Variants in TCN2 observed in about 807,000 individuals in gnomAD.
TCN2 encodes the protein transcobalamin 2, also known as transcobalamin-2.
TCN2 carries 34 observed loss-of-function variants against 48.6 expected under a neutral mutation model. That is an observed-to-expected ratio of 0.70 (90% CI 0.53 to 0.93). The LOEUF (loss-of-function observed/expected upper bound fraction) is 0.93. TCN2 is among the 40% of genes least tolerant of loss of function. The pLI is 0.00. For synonymous variants in TCN2, 283 were observed against 212.5 expected, an observed-to-expected ratio of 1.33 and a Z score of -2.89; for missense variants, 652 against 526.1, an observed-to-expected ratio of 1.24 and a Z score of -2.34.
chr22:30,611,906 T>C (rs1328785361), intron 2 of TCN2, among the ~76,000 whole-genome samples: 2 of 152,090 alleles, frequency 1.3e-5, no homozygotes, highest in African/African-American at 2.4e-5. Flanking sequence ...GAGTGCCTCT[T>C]TCTCAGACTC....
At chr22:30,615,854 A>G (rs2087606475) in intron 6 of TCN2, 67 bp downstream of exon 6, 2 of 1,594,206 alleles carry the variant, frequency 1.3e-6, no homozygotes, top group East Asian at 4.5e-5. Context: ...CGTCCCAGTG[A>G]GGGGAGGTTG....
intron 2 of TCN2, 99 bp from the exon 3 acceptor site, chr22:30,612,774 A>T: frequency 6.7e-7 from 1 of 1,496,174 alleles, no homozygotes; most frequent in Non-Finnish European, 9.2e-7. Context: ...TCCCACTGTT[A>T]AGATTTTTTC....
intron 1 of TCN2, 39 bp downstream of exon 1, chr22:30,607,434 G>T: frequency 1.2e-6 from 2 of 1,612,586 alleles, no homozygotes; most frequent in Non-Finnish European, 1.7e-6. Context: ...CTTTCCTCCT[G>T]GGTCCTTAGT....
At position 30,611,061 on chromosome 22, in the gene TCN2, AG is replaced by A. The variant is rs2087533179; in HGVS notation, c.257+1del. ...LKLGYQQCLLGSAFSEDDGDC... is the reference protein window; with the variant it reads ...LKLGYQQCLLXSAFSEDDGDC... ...AGCTTGGTTACCAGCAGTGCCTCCT[AG>A]GGTATTGCCACACTCTCTTTTTCCA... On this transcript the variant is annotated frameshift_variant and splice_region_variant, in exon 2 of 9. Coordinates refer to ENST00000215838, the MANE Select transcript of TCN2 (RefSeq NM_000355.4). LOFTEE classifies it high-confidence loss of function. The A allele has an allele frequency of 6.2e-7, 1 of 1,613,822 alleles. No homozygotes were observed. Among genetic ancestry groups the A allele is most frequent in the Non-Finnish European group, 8.5e-7 (1 of 1,179,944 alleles).
intron 1 of TCN2, among the ~76,000 whole-genome samples, chr22:30,607,983 C>G (rs955559134): frequency 6.6e-6 from 1 of 152,162 alleles, no homozygotes; most frequent in Non-Finnish European, 1.5e-5. Flanking sequence ...GAGTGGGGGA[C>G]ACACATTCTA....
intron 8 of TCN2, 135 bp from the exon 9 acceptor site, chr22:30,626,325 G>T (rs555673422): frequency 3.3e-6 from 3 of 904,500 alleles, no homozygotes; most frequent in African/African-American, 3.3e-5. Context: ...CTTTAGGGAG[G>T]TTCCAGCTTC....
At chr22:30,623,104 C>A in intron 8 of TCN2, 21 bp downstream of exon 8, 1 of 1,611,098 alleles carries the variant, frequency 6.2e-7, no homozygotes, top group Non-Finnish European at 8.5e-7. Context: ...GCCTGACACT[C>A]TGGATGTGTC....
chr22:30,626,336 C>A, intron 8 of TCN2, 124 bp from the exon 9 acceptor site: 1 of 1,044,366 alleles, frequency 9.6e-7, no homozygotes, highest in Non-Finnish European at 1.5e-6. Flanking sequence ...TTCCAGCTTC[C>A]CACCACCAAG....
chr22:30,614,219 A>G, intron 3 of TCN2, 130 bp from the exon 4 acceptor site: 1 of 1,217,488 alleles, frequency 8.2e-7, no homozygotes, highest in Non-Finnish European at 1.2e-6. Flanking sequence ...GGGCTGAGGC[A>G]ATGAAGGAAT....
intron 1 of TCN2, among the ~76,000 whole-genome samples, chr22:30,608,070 C>A (rs1007788264): frequency 6.6e-5 from 10 of 152,168 alleles, no homozygotes; most frequent in Non-Finnish European, 1.0e-4. Context: ...AGCACAGTCT[C>A]CTGGGACCTG....
At chr22:30,625,884 T>C (rs2087800917) in intron 8 of TCN2, among the ~76,000 whole-genome samples, 1 of 152,162 alleles carries the variant, frequency 6.6e-6, no homozygotes, top group Non-Finnish European at 1.5e-5. Flanking sequence ...ATATACATTT[T>C]GGGGGGACAC....
In TCN2 at chr22:30,613,148, C is replaced by G. The variant is rs2087565815; in HGVS notation, c.427+106C>G. On this transcript the variant is annotated intron_variant, in intron 3 of 8. Coordinates refer to ENST00000215838, the MANE Select transcript of TCN2 (RefSeq NM_000355.4). The stretch of plus-strand genomic sequence containing the variant: ...TTGGGTTTTCTCCCCAGGCGTCTTT[C>G]CCACCATCCATTCTGCCCATCTCAC... 3.9e-5 allele frequency: 57 copies of G among 1,470,580 alleles called. 1 individual carries two copies. The South Asian group carries it at 6.7e-4, about 17-fold the overall frequency. 91.1% of individuals were successfully genotyped at this position (1,470,580 alleles called of 1,614,324 possible).
intron 3 of TCN2, among the ~76,000 whole-genome samples, chr22:30,613,693 G>T (rs766089757): frequency 5.3e-5 from 8 of 152,106 alleles, no homozygotes; most frequent in Admixed American, 1.3e-4. Context: ...TAGCTCTCCT[G>T]CCCTGACTTG....
At chr22:30,614,115 G>T (rs2145542201) in intron 3 of TCN2, among the ~76,000 whole-genome samples, 1 of 152,304 alleles carries the variant, frequency 6.6e-6, no homozygotes, top group South Asian at 2.1e-4. Flanking sequence ...CAATTGCTGT[G>T]GTTGAGGCCC....
intron 7 of TCN2, among the ~76,000 whole-genome samples, chr22:30,620,459 C>G (rs992210906): frequency 1.3e-5 from 2 of 152,252 alleles, no homozygotes; most frequent in African/African-American, 2.4e-5. Flanking sequence ...GCAGTGAAGC[C>G]TGGGCACTCC....
At chr22:30,610,051 C>CT (rs2087512191) in intron 1 of TCN2, among the ~76,000 whole-genome samples, 2 of 152,270 alleles carry the variant, frequency 1.3e-5, no homozygotes, top group Non-Finnish European at 2.9e-5. Flanking sequence ...GCAAACTACT[C>CT]TAAGCTACCC....
rs761037241 is a variant in TCN2 at position 30,607,359 on chromosome 22, C to T, written c.28C>T (p.Leu10Phe). 1 of 1,614,176 alleles carries T rather than the reference C, an allele frequency of 6.2e-7. No homozygotes were observed. Among genetic ancestry groups the T allele is most frequent in the South Asian group, 1.1e-5 (1 of 91,082 alleles). ...GAGGCACCTTGGGGCCTTCCTCTTC[C>T]TTCTGGGGGTCCTGGGGGCCCTCAC... MRHLGAFLF[L>F]LGVLGALTEM... is the part of the protein sequence containing the mutation. Residue 10 changes from leucine (L) to phenylalanine (F), a missense_variant, in exon 1 of 9, where the codon CTT (leucine) becomes TTT (phenylalanine). Transcript: ENST00000215838.
chr22:30,608,007 G>A (rs985635451), intron 1 of TCN2, among the ~76,000 whole-genome samples: 2 of 152,320 alleles, frequency 1.3e-5, no homozygotes, highest in East Asian at 3.9e-4. Flanking sequence ...AGCAGGAAGT[G>A]AGCCTTCGGA....
intron 7 of TCN2, 23 bp downstream of exon 7, chr22:30,617,518 C>T (rs752506031): frequency 6.2e-7 from 1 of 1,613,928 alleles, no homozygotes; most frequent in Non-Finnish European, 8.5e-7. Flanking sequence ...CCTCCCAGTC[C>T]TCACCCCACC....
Sources: gnomAD v4.1 joint callset for allele counts (sites outside exome capture counted in the v4.1 genomes callset) on GRCh38, gnomAD v4.1.1 for gene constraint, MANE v1.5 for transcripts, NCBI Gene and HGNC (gene_info 2026-07-23, HGNC 2026-07-21) for gene names.